SPIDR: variants seen among roughly 807,000 people sequenced by gnomAD.
The protein encoded by SPIDR is scaffold protein involved in DNA repair, also known as DNA repair-scaffolding protein.
In SPIDR, 93 loss-of-function variants were observed where a neutral mutation model predicts 104.6. The ratio of observed to expected loss-of-function variants is 0.89; its 90% CI spans 0.75 to 1.06. The LOEUF is 1.06. SPIDR is among the 50% of genes least tolerant of loss of function. SPIDR has a pLI of 0.00. For synonymous variants in SPIDR, 431 were observed against 416.9 expected (o/e 1.03, Z -0.41); for missense variants, 1,154 against 1,111.2 (o/e 1.04, Z -0.55).
At chr8:47,614,882 A>C (rs956663213) in intron 10 of SPIDR, among the ~76,000 whole-genome samples, 2 of 152,084 alleles carry the variant, frequency 1.3e-5, no homozygotes, top group African/African-American at 4.8e-5. Context: ...ACTTTTTAAT[A>C]ATCACCATCC....
intron 19 of SPIDR, among the ~76,000 whole-genome samples, chr8:47,733,802 G>C (rs368216947): frequency 1.3e-5 from 2 of 152,060 alleles, no homozygotes; most frequent in East Asian, 3.9e-4. Context: ...CCTTGGGAAG[G>C]CCTCAGCTTC....
chr8:47,698,136 A>G (rs1195110743), intron 11 of SPIDR, among the ~76,000 whole-genome samples: 1 of 152,194 alleles, frequency 6.6e-6, no homozygotes, highest in African/African-American at 2.4e-5. Context: ...TTCTCTAATT[A>G]AACTTTATAT....
chr8:47,696,704 C>T (rs2079382852), intron 11 of SPIDR, among the ~76,000 whole-genome samples: 1 of 152,174 alleles, frequency 6.6e-6, no homozygotes, highest in African/African-American at 2.4e-5. Context: ...AGCACCCACA[C>T]CTAGCACTGG....
rs2076099562 is a variant in SPIDR, at chr8:47,673,909, A to G, written c.1653A>G (p.Gly551=). The G allele has an allele frequency of 6.2e-7, 1 of 1,613,936 alleles. No homozygotes were observed. Among genetic ancestry groups the G allele is most frequent in the South Asian group, 1.1e-5 (1 of 91,074 alleles). Residue 551 remains glycine (G), a synonymous_variant, in exon 11 of 20, where the codon GGA becomes GGG. Coordinates refer to ENST00000297423, the MANE Select transcript of SPIDR (RefSeq NM_001080394.4). ...AAGGGAAGTCTTGCAGCCTGGTGGG[A>G]ATGAAGGTTCTACAGAAAGTCACCA... is the stretch of plus-strand genomic sequence containing the variant. ...QLEGKSCSLV[G]MKVLQKVTRG... is the part of the protein sequence containing the mutation.
At chr8:47,500,504 T>C (rs2080224788) in intron 8 of SPIDR, among the ~76,000 whole-genome samples, 1 of 152,232 alleles carries the variant, frequency 6.6e-6, no homozygotes, top group Non-Finnish European at 1.5e-5. Flanking sequence ...GTTTTTTTCT[T>C]GTAAATTTGT....
Position 47,575,646 on chromosome 8 carries a change from C to CAA in SPIDR, c.1098-20149_1098-20148dup, listed in dbSNP as rs1173651690. Among the ~76,000 whole-genome samples, 337 of 45,140 alleles carry CAA rather than the reference C, an allele frequency of 7.5e-3. 3 individuals carry two copies. The highest frequency in any genetic ancestry group is 0.046 in the South Asian group (69 of 1,494). The allele number at this position is 45,140 out of a possible 152,430, so 29.6% of individuals were successfully genotyped here. ...TGGGCGACAGAGAGAGACTCCGTCTCAAAAAAAAAAAAAAAAAGAAAGAAA... is the reference window on the plus strand; with the variant it reads ...TGGGCGACAGAGAGAGACTCCGTCTCAAAAAAAAAAAAAAAAAAAGAAAGAAA... On this transcript the variant is annotated intron_variant, in intron 8 of 19. Transcript: ENST00000297423.
intron 10 of SPIDR, among the ~76,000 whole-genome samples, chr8:47,607,680 C>G (rs955518876): frequency 6.6e-6 from 1 of 151,692 alleles, no homozygotes; most frequent in African/African-American, 2.4e-5. Context: ...CTCCACTGTC[C>G]AAACACACAC....
intron 8 of SPIDR, among the ~76,000 whole-genome samples, chr8:47,517,142 G>A (rs879493719): frequency 1.3e-5 from 2 of 151,808 alleles, no homozygotes; most frequent in African/African-American, 2.4e-5. Flanking sequence ...CTGCCACCAC[G>A]CCCAGCTAAT....
At chr8:47,312,379 C>T (rs2044361707) in intron 5 of SPIDR, among the ~76,000 whole-genome samples, 1 of 152,166 alleles carries the variant, frequency 6.6e-6, no homozygotes, top group Non-Finnish European at 1.5e-5. Context: ...TCTCCAGCAC[C>T]TGTTGTTTCC....
chr8:47,388,406 G>A (rs528354937), intron 5 of SPIDR: 2 of 154,102 alleles, frequency 1.3e-5, no homozygotes, highest in Admixed American at 1.3e-4. Context: ...GGTTTTAAAA[G>A]AAGAGAAAAT....
intron 8 of SPIDR, among the ~76,000 whole-genome samples, chr8:47,457,927 TC>T (rs2073270105): frequency 6.6e-6 from 1 of 152,196 alleles, no homozygotes; most frequent in African/African-American, 2.4e-5. Context: ...ATTTCTGGGT[TC>T]TCTATTCTGT....
chr8:47,508,828 C>G (rs541783187), intron 8 of SPIDR, among the ~76,000 whole-genome samples: 1 of 152,292 alleles, frequency 6.6e-6, no homozygotes, highest in African/African-American at 2.4e-5. Flanking sequence ...CCAATAAGTG[C>G]TGAGAAGTCC....
chr8:47,396,253 T>A, intron 5 of SPIDR, 123 bp from the exon 6 acceptor site: 1 of 827,468 alleles, frequency 1.2e-6, no homozygotes, highest in Admixed American at 2.9e-5. Flanking sequence ...AGATACTGTA[T>A]TCAAAAAGGT....
At chr8:47,468,327 AT>A (rs2075209725) in intron 8 of SPIDR, among the ~76,000 whole-genome samples, 1 of 152,186 alleles carries the variant, frequency 6.6e-6, no homozygotes, top group South Asian at 2.1e-4. Flanking sequence ...TACCAATGAC[AT>A]TTTTCACTTA....
intron 5 of SPIDR, among the ~76,000 whole-genome samples, chr8:47,295,973 CT>C (rs2040771378): frequency 6.6e-6 from 1 of 152,156 alleles, no homozygotes; most frequent in Non-Finnish European, 1.5e-5. Flanking sequence ...TTTTGATAGT[CT>C]TTCTAACAGG....
At chr8:47,281,292 T>G (rs2037725939) in intron 2 of SPIDR, among the ~76,000 whole-genome samples, 1 of 152,154 alleles carries the variant, frequency 6.6e-6, no homozygotes, top group Non-Finnish European at 1.5e-5. Context: ...GGTTGAAGAT[T>G]GGGGTGGCTG....
intron 8 of SPIDR, among the ~76,000 whole-genome samples, chr8:47,593,633 A>C (rs1248203821): frequency 2.0e-5 from 3 of 152,220 alleles, no homozygotes; most frequent in Non-Finnish European, 2.9e-5. Flanking sequence ...AACCTCTTTT[A>C]GGTAGCTTCA....
At chr8:47,404,359 TTAAAC>T (rs1455165847) in intron 6 of SPIDR, among the ~76,000 whole-genome samples, 1 of 152,282 alleles carries the variant, frequency 6.6e-6, no homozygotes, top group Middle Eastern at 3.4e-3. Context: ...TGGGATCTAA[TTAAAC>T]TAAAGAGCTT....
At chr8:47,311,170 T>C (rs1554584807) in intron 5 of SPIDR, among the ~76,000 whole-genome samples, 1 of 152,120 alleles carries the variant, frequency 6.6e-6, no homozygotes, top group Non-Finnish European at 1.5e-5. Context: ...AAATACAATA[T>C]TTCAAATGAA....
Sources: allele counts gnomAD v4.1 joint callset (sites outside exome capture counted in the v4.1 genomes callset), GRCh38; gene constraint gnomAD v4.1.1; transcripts MANE v1.5; gene names NCBI Gene and HGNC (gene_info 2026-07-23, HGNC 2026-07-21).